The following MAST2 variants were observed in gnomAD, a reference collection of about 807,000 sequenced individuals.
MAST2 encodes the protein microtubule-associated serine/threonine-protein kinase 2.
Under a neutral mutation model 147.4 loss-of-function variants are expected in MAST2, and 70 were observed. The ratio of observed to expected loss-of-function variants is 0.47; its 90% CI spans 0.39 to 0.58. The LOEUF (loss-of-function observed/expected upper bound fraction) is 0.58, where lower values mean the gene tolerates loss of function less well. Ranked by LOEUF, MAST2 falls within the 20% of genes least tolerant of loss-of-function variation. The pLI, the probability that MAST2 is intolerant of heterozygous loss-of-function variation, is 0.00. For missense variants in MAST2, 2,080 were observed against 2,302.3 expected (o/e 0.90, Z 1.98); for synonymous variants, 869 against 896.8 (o/e 0.97, Z 0.55).
intron 4 of MAST2, among the ~76,000 whole-genome samples, chr1:45,884,918 A>G (rs1647017737): frequency 6.6e-6 from 1 of 152,186 alleles, no homozygotes; most frequent in Non-Finnish European, 1.5e-5. Flanking sequence ...CCAAACAGTT[A>G]AAGTTCCATG....
chr1:45,829,429 G>C lies in MAST2; in HGVS notation c.326-10G>C. The C allele has an allele frequency of 6.2e-7, 1 of 1,601,996 alleles. No homozygotes were observed. ...ATTACATGTATATTTTCCAAACCTT[G>C]TATTTGAAGGTAAGCAGCTGCTCCC... is the stretch of plus-strand genomic sequence containing the variant. On this transcript the variant is annotated splice_polypyrimidine_tract_variant and intron_variant, in intron 2 of 28. Transcript: ENST00000361297.
At chr1:45,934,514 C>T (rs1181092214) in intron 4 of MAST2, among the ~76,000 whole-genome samples, 1 of 151,996 alleles carries the variant, frequency 6.6e-6, no homozygotes, top group Non-Finnish European at 1.5e-5. Context: ...CAACCCCTGC[C>T]TTCTGGGTTC....
chr1:45,907,729 C>G (rs1651005445), intron 4 of MAST2, among the ~76,000 whole-genome samples: 1 of 152,156 alleles, frequency 6.6e-6, no homozygotes. Context: ...CCCTTCTTCC[C>G]TTACCCCAGG....
intron 1 of MAST2, among the ~76,000 whole-genome samples, chr1:45,823,203 C>CTT (rs774121918): frequency 7.3e-6 from 1 of 136,168 alleles, no homozygotes. Context: ...GAATTTTTTT[C>CTT]TTTTTTTTTT....
intron 1 of MAST2, 147 bp from the exon 2 acceptor site, chr1:45,824,286 A>G: frequency 4.1e-6 from 2 of 493,008 alleles, no homozygotes; most frequent in Non-Finnish European, 6.9e-6. Context: ...ACTAAGAAAT[A>G]TGTTTCTGGT....
chr1:45,928,567 C>CTTTTTTTTTTTTT (rs11374683), intron 4 of MAST2, among the ~76,000 whole-genome samples: 1 of 143,724 alleles, frequency 7.0e-6, no homozygotes, highest in Admixed American at 7.0e-5. Flanking sequence ...ATCACTCTTT[C>CTTTTTTTTTTTTT]TTTTTTTTTT....
At chr1:46,024,233 A>G in intron 15 of MAST2, 2 of 472,956 alleles carry the variant, frequency 4.2e-6, no homozygotes. Flanking sequence ...TTGCACCCCA[A>G]AGCCTGCACG....
chr1:45,972,793 A>G (rs1251281533), intron 5 of MAST2, among the ~76,000 whole-genome samples: 1 of 152,118 alleles, frequency 6.6e-6, no homozygotes, highest in Non-Finnish European at 1.5e-5. Context: ...CCAGTTCTTT[A>G]TCAGCAAGAT....
At chr1:45,913,900 A>T in intron 4 of MAST2, 3 of 1,215,084 alleles carry the variant, frequency 2.5e-6, no homozygotes, top group Non-Finnish European at 3.1e-6. Flanking sequence ...TGGGGTCTCT[A>T]TGGAAACTGG....
At position 46,035,896 on chromosome 1, in the gene MAST2, A is replaced by G; in HGVS notation, c.5227A>G (p.Ile1743Val). ...QAVKEDPALS[I>V]TQVPDASGDR... ...AGTGAAAGAGGATCCAGCCCTGAGC[A>G]TCACCCAAGTGCCTGATGCCTCAGG... The change falls in exon 29 of 29, where the codon ATC becomes GTC. Residue 1743 changes from isoleucine (I) to valine (V), a missense_variant. Ile to Val is a conservative substitution (Grantham distance 29). This residue lies in a region of MAST2 where 1,278 missense variants were observed against 1,304.2 expected (regional missense o/e 0.98). Transcript: ENST00000361297. This position sits in a 1 kb window ranked among gnomAD's most constrained non-coding sequence, Gnocchi z 5.5. 6.2e-7 allele frequency: 1 copy of G among 1,614,114 alleles called. No homozygotes were observed. Among genetic ancestry groups the G allele is most frequent in the Non-Finnish European group, 8.5e-7 (1 of 1,180,022 alleles).
At chr1:45,963,682 A>G (rs1660763167) in intron 5 of MAST2, among the ~76,000 whole-genome samples, 2 of 152,204 alleles carry the variant, frequency 1.3e-5, no homozygotes, top group Admixed American at 6.5e-5. Context: ...GGGGTTTTCT[A>G]GATATACAAT....
chr1:45,870,516 A>T (rs372043599), intron 3 of MAST2, among the ~76,000 whole-genome samples: 2 of 74,306 alleles, frequency 2.7e-5, no homozygotes, highest in Non-Finnish European at 6.0e-5. Flanking sequence ...CAATTTGTTT[A>T]TATATATATA....
chr1:45,850,769 G>A (rs1268472163), intron 3 of MAST2, among the ~76,000 whole-genome samples: 2 of 150,194 alleles, frequency 1.3e-5, no homozygotes, highest in African/African-American at 4.9e-5. Flanking sequence ...GTAGGTGTGT[G>A]GCTTTATTTC....
intron 1 of MAST2, among the ~76,000 whole-genome samples, chr1:45,823,284 A>G (rs1644692877): frequency 6.8e-6 from 1 of 148,068 alleles, no homozygotes; most frequent in African/African-American, 2.5e-5. Flanking sequence ...CTATGGTGCC[A>G]GTTACTTGAA....
intron 4 of MAST2, among the ~76,000 whole-genome samples, 172 bp from the exon 5 acceptor site, chr1:45,959,214 T>G (rs1419768921): frequency 6.6e-6 from 1 of 152,106 alleles, no homozygotes. Context: ...AGGAACACAG[T>G]GCTTTATGGA....
chr1:46,031,039 C>T lies in MAST2; in HGVS notation c.2741C>T (p.Ser914Phe). The T allele has an allele frequency of 6.2e-7, 1 of 1,613,670 alleles. No homozygotes were observed. Among genetic ancestry groups the T allele is most frequent in the Non-Finnish European group, 8.5e-7 (1 of 1,179,756 alleles). ...LRKRLSVSES[S>F]HTESDSSPPM... ...AAGCGGCTGTCGGTGTCTGAGTCAT[C>T]CCACACAGAGAGTGACTCAAGCCCT... The change falls in exon 23 of 29, where the codon TCC (serine) becomes TTC (phenylalanine). Residue 914 changes from serine to phenylalanine, a missense_variant. Around this residue, in one of 4 missense-constraint regions of MAST2, gnomAD observed 1,278 missense variants for 1,304.2 expected, o/e 0.98. Coordinates refer to ENST00000361297, the MANE Select transcript of MAST2 (RefSeq NM_015112.3). The surrounding 1 kb of genome is among the most constrained non-coding windows in gnomAD (Gnocchi z 4.1).
chr1:46,021,551 C>A (rs572399305), intron 11 of MAST2, among the ~76,000 whole-genome samples: 8 of 152,148 alleles, frequency 5.3e-5, no homozygotes, highest in Non-Finnish European at 1.2e-4. Flanking sequence ...TATACATGCA[C>A]CAGTAGGGCT....
intron 4 of MAST2, among the ~76,000 whole-genome samples, chr1:45,924,838 G>T (rs1188555905): frequency 1.3e-5 from 2 of 152,132 alleles, no homozygotes; most frequent in East Asian, 3.8e-4. Context: ...TTAGGACACA[G>T]ACAAGCACAG....
Position 46,033,789 on chromosome 1 carries a change from C to T in MAST2, c.3538-13C>T. 1 of 1,613,694 alleles carries T rather than the reference C, an allele frequency of 6.2e-7. No individual in the cohort carries two copies. Among genetic ancestry groups the T allele is most frequent in the Non-Finnish European group, 8.5e-7 (1 of 1,179,668 alleles). The stretch of plus-strand genomic sequence containing the variant: ...GCTCCAGCTTAGCCTAGGCCTCATG[C>T]TCTGCTCCCCAGAGTGGAAACAAGG... On this transcript the variant is annotated splice_polypyrimidine_tract_variant and intron_variant, in intron 26 of 28. Transcript: ENST00000361297.
Sources: gnomAD v4.1 joint callset for allele counts (sites outside exome capture counted in the v4.1 genomes callset) on GRCh38, gnomAD v4.1.1 for gene constraint, gnomAD v4.1.1 regional missense constraint, Gnocchi (gnomAD v3.1) non-coding constraint, MANE v1.5 for transcripts, NCBI Gene and HGNC (gene_info 2026-07-23, HGNC 2026-07-21) for gene names.